POLR2C: variants seen among roughly 807,000 people sequenced by gnomAD.
The protein encoded by POLR2C is DNA-directed RNA polymerase II subunit RPB3.
A neutral mutation model predicts 41.7 loss-of-function variants in POLR2C; 36 were observed. The ratio of observed to expected loss-of-function variants is 0.86; its 90% CI spans 0.66 to 1.14. The LOEUF (loss-of-function observed/expected upper bound fraction) is 1.14, where lower values mean the gene tolerates loss of function less well. POLR2C is among the 50% of genes most tolerant of loss of function. POLR2C has a pLI of 0.00. For synonymous variants in POLR2C, 133 were observed against 137.8 expected, an observed-to-expected ratio of 0.96 and a Z score of 0.25; for missense variants, 260 against 350.4, an observed-to-expected ratio of 0.74 and a Z score of 2.06.
At position 57,471,111 on chromosome 16, in the gene POLR2C, A is replaced by T. The variant is rs1429088679; in HGVS notation, c.820A>T (p.Ile274Leu). The T allele has an allele frequency of 6.2e-7, 1 of 1,613,840 alleles. No homozygotes were observed. The highest frequency in any genetic ancestry group is 8.5e-7 in the Non-Finnish European group (1 of 1,179,728). The change falls in exon 9 of 9, where the codon ATA (isoleucine) becomes TTA (leucine). Residue 274 changes from isoleucine (I) to leucine (L), a missense_variant. Transcript: ENST00000219252. Reference protein sequence around the residue: ...SHEIQSDVLTIN With the variant: ...SHEIQSDVLTLN ...CGAGATCCAGAGTGATGTGCTAACC[A>T]TAAATTAACTGCAGCTTGCCTGCTT...
In POLR2C at chr16:57,462,700, C is replaced by T. The variant is rs200693871; in HGVS notation, c.-25C>T. On this transcript the variant is annotated 5_prime_UTR_variant, in exon 1 of 9. Coordinates refer to ENST00000219252, the MANE Select transcript of POLR2C (RefSeq NM_032940.3). ...CCGCGCAGTCACCGCGGAGCAGACG[C>T]GGAGGCTGGTGGCCCCTGGGCGAGA... 7.2e-4 allele frequency: 1,128 copies of T among 1,561,234 alleles called. 7 individuals are homozygous for T. The African/African-American group carries it at 0.013, about 19-fold the overall frequency.
Position 57,469,542 on chromosome 16 carries a change from C to G in POLR2C, c.388-168C>G. The G allele has an allele frequency of 1.3e-6, 1 of 748,386 alleles. No individual in the cohort carries two copies. The highest frequency in any genetic ancestry group is 2.4e-6 in the Non-Finnish European group (1 of 424,648). 46.4% of individuals were successfully genotyped at this position (748,386 alleles called of 1,614,324 possible). On this transcript the variant is annotated intron_variant, in intron 5 of 8. Transcript: ENST00000219252. The surrounding 1 kb of genome is among the most constrained non-coding windows in gnomAD (Gnocchi z 5.8). ...GGAATTGTTTTGCCTGAGGCTACCA[C>G]CACACCCTGAAGTGGGGGTTGGAGT...
rs1265230011 is a variant in POLR2C at position 57,469,697 on chromosome 16, G to A, written c.388-13G>A. ...GGTGAGCAGCTAATGAATGCCTGGT[G>A]GACTCCCTACAGGTGACATCCCGGA... On this transcript the variant is annotated splice_polypyrimidine_tract_variant and intron_variant, in intron 5 of 8. Coordinates refer to ENST00000219252, the MANE Select transcript of POLR2C (RefSeq NM_032940.3). This position sits in a 1 kb window ranked among gnomAD's most constrained non-coding sequence, Gnocchi z 5.8. The A allele has an allele frequency of 8.1e-6, 13 of 1,609,240 alleles. No homozygotes were observed. The highest frequency in any genetic ancestry group is 1.0e-5 in the Non-Finnish European group (12 of 1,177,624).
chr16:57,463,155 C>G, intron 2 of POLR2C, 77 bp downstream of exon 2: 1 of 1,146,168 alleles, frequency 8.7e-7, no homozygotes, highest in Non-Finnish European at 1.3e-6. Context: ...TTTGGGGCTC[C>G]TTCCAGTCCT....
Position 57,469,472 on chromosome 16 carries a change from G to T in POLR2C, c.387+179G>T. 1 of 761,196 alleles carries T rather than the reference G, an allele frequency of 1.3e-6. No homozygotes were observed. 47.2% of individuals were successfully genotyped at this position (761,196 alleles called of 1,614,324 possible). On this transcript the variant is annotated intron_variant, in intron 5 of 8. Transcript: ENST00000219252. The surrounding 1 kb of genome is among the most constrained non-coding windows in gnomAD (Gnocchi z 5.8). ...CCTCTTGGGCATCGTTAGCATCGTT[G>T]GTGCTGCGCACCCTCTATCACCCAG...
chr16:57,470,903 G>GGGTT, intron 8 of POLR2C, 72 bp from the exon 9 acceptor site: 1 of 1,466,368 alleles, frequency 6.8e-7, no homozygotes, highest in Non-Finnish European at 9.5e-7. Flanking sequence ...GAAGGAGGAA[G>GGGTT]GGTTGTCCAT....
In POLR2C at chr16:57,469,497, G is replaced by A; in HGVS notation, c.387+204G>A. On this transcript the variant is annotated intron_variant, in intron 5 of 8. Transcript: ENST00000219252. This position sits in a 1 kb window ranked among gnomAD's most constrained non-coding sequence, Gnocchi z 5.8. ...GGTGCTGCGCACCCTCTATCACCCAGGGACTCTTTTAAAGGCCATGGAATT... is the reference window on the plus strand; with the variant it reads ...GGTGCTGCGCACCCTCTATCACCCAAGGACTCTTTTAAAGGCCATGGAATT... 2 of 725,378 alleles carry A rather than the reference G, an allele frequency of 2.8e-6. No homozygotes were observed. The highest frequency in any genetic ancestry group is 4.4e-5 in the Admixed American group (2 of 45,792). The allele number at this position is 725,378 out of a possible 1,614,324, so 44.9% of individuals were successfully genotyped here.
chr16:57,466,648 G>A (rs1375616780), intron 4 of POLR2C, among the ~76,000 whole-genome samples: 1 of 152,120 alleles, frequency 6.6e-6, no homozygotes, highest in Non-Finnish European at 1.5e-5. Context: ...CCCCTCCCTC[G>A]CAGGTGATGC....
intron 2 of POLR2C, 77 bp downstream of exon 2, chr16:57,463,155 C>T (rs1269042517): frequency 1.7e-6 from 2 of 1,146,168 alleles, no homozygotes; most frequent in Middle Eastern, 2.0e-4. Context: ...TTTGGGGCTC[C>T]TTCCAGTCCT....
chr16:57,465,967 C>A lies in POLR2C; in HGVS notation c.151C>A (p.Gln51Lys). The A allele has an allele frequency of 6.2e-7, 1 of 1,602,868 alleles. No homozygotes were observed. The highest frequency in any genetic ancestry group is 8.5e-7 in the Non-Finnish European group (1 of 1,169,854). ...EVPIIAIDWV[Q>K]IDANSSVLHD... ...TCATTTTTTAGCCATTGACTGGGTT[C>A]AGATTGATGCCAATTCCTCAGTTCT... Residue 51 changes from glutamine to lysine, a missense_variant, in exon 3 of 9, where the codon CAG (glutamine) becomes AAG (lysine). Transcript: ENST00000219252.
At chr16:57,468,834 TGCCTCATA>T (rs1228689215) in intron 4 of POLR2C, among the ~76,000 whole-genome samples, 1 of 152,200 alleles carries the variant, frequency 6.6e-6, no homozygotes, top group Non-Finnish European at 1.5e-5. Flanking sequence ...CATTCTCCTG[TGCCTCATA>T]GCCTTGGTTC....
chr16:57,466,683 G>T (rs145616521), intron 4 of POLR2C, among the ~76,000 whole-genome samples: 1,620 of 152,242 alleles, frequency 0.011, 24 homozygotes, highest in African/African-American at 0.036. Context: ...CACACTCTTA[G>T]TGTCTCACCC....
intron 2 of POLR2C, 83 bp from the exon 3 acceptor site, chr16:57,465,870 T>C (rs1114156): frequency 1.1e-6 from 1 of 871,462 alleles, no homozygotes. Context: ...TGTCAGGTGA[T>C]TCCTAAATCT....
In POLR2C at chr16:57,469,978, T is replaced by C; in HGVS notation, c.457T>C (p.Leu153=). Residue 153 remains leucine, a synonymous_variant, in exon 7 of 9, where the codon TTG becomes CTG. Coordinates refer to ENST00000219252, the MANE Select transcript of POLR2C (RefSeq NM_032940.3). The surrounding 1 kb of genome is among the most constrained non-coding windows in gnomAD (Gnocchi z 5.8). ...CCCTGCAGACATCCTCATCGTCAAG[T>C]TGAGAAAGGGCCAGGAGCTGAGACT... is the stretch of plus-strand genomic sequence containing the variant. ...VEQDDILIVK[L]RKGQELRLRA... The C allele has an allele frequency of 6.2e-7, 1 of 1,613,804 alleles. No homozygotes were observed. Among genetic ancestry groups the C allele is most frequent in the Non-Finnish European group, 8.5e-7 (1 of 1,179,946 alleles).
chr16:57,464,066 A>C (rs2030646508), intron 2 of POLR2C: 2 of 160,348 alleles, frequency 1.2e-5, no homozygotes, highest in East Asian at 1.9e-4. Flanking sequence ...GCAAGTTATT[A>C]AACTTCTGTG....
At chr16:57,464,412 A>C (rs1439989087) in intron 2 of POLR2C, among the ~76,000 whole-genome samples, 1 of 152,190 alleles carries the variant, frequency 6.6e-6, no homozygotes. Flanking sequence ...GCTGTGGTGC[A>C]CTTGGCTCTT....
chr16:57,469,854 T>C lies in POLR2C; in HGVS notation c.439+93T>C. On this transcript the variant is annotated intron_variant, in intron 6 of 8. Transcript: ENST00000219252. This position sits in a 1 kb window ranked among gnomAD's most constrained non-coding sequence, Gnocchi z 5.8. ...TGCCTGGTCTCCTCGAAAATTGGCT[T>C]TAGACCGTTTTTCCAGATGTGTGTG... 6.3e-7 allele frequency: 1 copy of C among 1,581,018 alleles called. No homozygotes were observed. The highest frequency in any genetic ancestry group is 8.7e-7 in the Non-Finnish European group (1 of 1,150,730).
At position 57,471,932 on chromosome 16, in the gene POLR2C, A is replaced by C. The variant is rs1265181580; in HGVS notation, c.*813A>C. On this transcript the variant is annotated 3_prime_UTR_variant, in exon 9 of 9. Transcript: ENST00000219252. ...AAACCAGAGATCCAGTACAGAAAGG[A>C]AAGGATATTTATTGATTAACAGAAG... 1 of 152,718 alleles carries C rather than the reference A, an allele frequency of 6.5e-6. No homozygotes were observed. The allele number at this position is 152,718 out of a possible 1,614,324, so 9.5% of individuals were successfully genotyped here. A position where few individuals can be genotyped will look rare whatever the true frequency, so the allele number is the denominator to read the frequency against.
chr16:57,467,308 G>A lies in POLR2C; in HGVS notation c.258+1081G>A, dbSNP rs1056954595. On this transcript the variant is annotated intron_variant, in intron 4 of 8. Transcript: ENST00000219252. ...TACTCATGCTTCTACCTAATACTACGTTGTCACATTTTAACATTTTGCCCT... is the reference window on the plus strand; with the variant it reads ...TACTCATGCTTCTACCTAATACTACATTGTCACATTTTAACATTTTGCCCT... Among the ~76,000 whole-genome samples, 39 of 152,158 alleles carry A rather than the reference G, an allele frequency of 2.6e-4. 1 individual carries two copies. Among genetic ancestry groups the A allele is most frequent in the Non-Finnish European group, 2.6e-4 (18 of 68,022 alleles).
Sources: gnomAD v4.1 joint callset for allele counts (sites outside exome capture counted in the v4.1 genomes callset) on GRCh38, gnomAD v4.1.1 for gene constraint, Gnocchi (gnomAD v3.1) non-coding constraint, MANE v1.5 for transcripts, NCBI Gene and HGNC (gene_info 2026-07-23, HGNC 2026-07-21) for gene names.